SLC22A24: variants seen among roughly 807,000 people sequenced by gnomAD.
SLC22A24 encodes the protein steroid transmembrane transporter SLC22A24.
Under a neutral mutation model 49.8 loss-of-function variants are expected in SLC22A24, and 53 were observed. That is an observed-to-expected ratio of 1.06 (90% CI 0.85 to 1.34). The LOEUF (loss-of-function observed/expected upper bound fraction) is 1.34. Among genes scored for constraint, SLC22A24 ranks in the 40% most tolerant of loss-of-function variants. The pLI is 0.00. For missense variants in SLC22A24, 786 were observed against 675.9 expected, an observed-to-expected ratio of 1.16 and a Z score of -1.81; for synonymous variants, 302 against 256.4, an observed-to-expected ratio of 1.18 and a Z score of -1.70.
chr11:63,140,841 T>A (rs1256353360), intron 1 of SLC22A24, among the ~76,000 whole-genome samples: 1 of 152,196 alleles, frequency 6.6e-6, no homozygotes, highest in African/African-American at 2.4e-5. Context: ...TAATTTTTTC[T>A]GGTTTAGAGG....
chr11:63,093,955 G>A (rs1176034211), intron 6 of SLC22A24, among the ~76,000 whole-genome samples: 1 of 147,592 alleles, frequency 6.8e-6, no homozygotes, highest in Non-Finnish European at 1.5e-5. Flanking sequence ...GCAAAATATG[G>A]AACAACCAAA....
chr11:63,103,743 G>A (rs907671345), intron 5 of SLC22A24, among the ~76,000 whole-genome samples: 2 of 151,926 alleles, frequency 1.3e-5, no homozygotes, highest in African/African-American at 2.4e-5. Flanking sequence ...GACTTATTTG[G>A]TGCTCAATGG....
chr11:63,143,581 G>A lies in SLC22A24; in HGVS notation c.199C>T (p.Leu67Phe). 1 of 1,569,628 alleles carries A rather than the reference G, an allele frequency of 6.4e-7. No homozygotes were observed. The highest frequency in any genetic ancestry group is 8.6e-7 in the Non-Finnish European group (1 of 1,158,968). Residue 67 changes from leucine (L) to phenylalanine (F), a missense_variant, in exon 1 of 10, where the codon CTC (leucine) becomes TTC (phenylalanine). Physicochemically the swap from Leu to Phe is conservative, Grantham distance 22. Coordinates refer to ENST00000612278, the MANE Select transcript of SLC22A24 (RefSeq NM_001136506.2). Reference protein sequence around the residue: ...DTVSDNDTGTLSKDDLLRISI... With the variant: ...DTVSDNDTGTFSKDDLLRISI... ...ATTCTCAGGAGGTCATCCTTGCTGA[G>A]GGTCCCGGTATCATTGTCAGACACA... is the stretch of plus-strand genomic sequence containing the variant.
At chr11:63,129,537 G>A (rs1590748428) in intron 2 of SLC22A24, among the ~76,000 whole-genome samples, 1 of 152,218 alleles carries the variant, frequency 6.6e-6, no homozygotes, top group Non-Finnish European at 1.5e-5. Context: ...GCTAGATGGG[G>A]ATGGCATTGA....
chr11:63,096,045 G>A lies in SLC22A24; in HGVS notation c.1016C>T (p.Ser339Phe), dbSNP rs1590732102. ...TCGCAATTTGGGTGCACGGAACAGG[G>A]AAAAAATGGATGTTTTAATTCGGAC... is the stretch of plus-strand genomic sequence containing the variant. ...DAVRIKTSIFSLFRAPKLRMR... is the reference protein window; with the variant it reads ...DAVRIKTSIFFLFRAPKLRMR... The change falls in exon 6 of 10, where the codon TCC becomes TTC. Residue 339 changes from serine to phenylalanine, a missense_variant. Coordinates refer to ENST00000612278, the MANE Select transcript of SLC22A24 (RefSeq NM_001136506.2). 3.9e-6 allele frequency: 6 copies of A among 1,550,680 alleles called. No homozygotes were observed. Among genetic ancestry groups the A allele is most frequent in the Non-Finnish European group, 3.5e-6 (4 of 1,146,358 alleles).
chr11:63,093,723 A>G (rs963943735), intron 6 of SLC22A24, among the ~76,000 whole-genome samples: 6 of 152,002 alleles, frequency 3.9e-5, no homozygotes, highest in African/African-American at 1.4e-4. Flanking sequence ...GGAGAGGATC[A>G]GGAAAAATAA....
intron 4 of SLC22A24, among the ~76,000 whole-genome samples, chr11:63,111,790 C>G (rs896356078): frequency 4.3e-4 from 65 of 152,152 alleles, no homozygotes; most frequent in Non-Finnish European, 7.4e-4. Flanking sequence ...TTGATCCTTT[C>G]AAAAAACCAG....
At chr11:63,080,357 G>A (rs2086952075) in intron 9 of SLC22A24, among the ~76,000 whole-genome samples, 1 of 151,968 alleles carries the variant, frequency 6.6e-6, no homozygotes, top group South Asian at 2.1e-4. Flanking sequence ...AATTTCTGTT[G>A]CCCATGGCAA....
At chr11:63,110,032 T>C (rs2087151303) in intron 4 of SLC22A24, among the ~76,000 whole-genome samples, 2 of 152,154 alleles carry the variant, frequency 1.3e-5, no homozygotes, top group Non-Finnish European at 2.9e-5. Context: ...GTATAAGGTG[T>C]AAGGTAGGGA....
intron 5 of SLC22A24, among the ~76,000 whole-genome samples, chr11:63,101,650 G>T (rs563152856): frequency 2.6e-5 from 4 of 152,116 alleles, no homozygotes; most frequent in African/African-American, 9.6e-5. Context: ...CATGTTTATT[G>T]CAGCAACATT....
intron 2 of SLC22A24, among the ~76,000 whole-genome samples, chr11:63,130,348 C>T (rs950467211): frequency 6.6e-6 from 1 of 152,152 alleles, no homozygotes; most frequent in African/African-American, 2.4e-5. Flanking sequence ...GGTGGATAAG[C>T]TTTTTGATGT....
At chr11:63,124,749 T>C (rs1011476732) in intron 2 of SLC22A24, among the ~76,000 whole-genome samples, 3 of 152,132 alleles carry the variant, frequency 2.0e-5, no homozygotes, top group Admixed American at 1.3e-4. Context: ...GTGGCACATA[T>C]ACACCATGGA....
At chr11:63,133,363 C>T (rs4963372) in intron 2 of SLC22A24, among the ~76,000 whole-genome samples, 120,920 of 152,062 alleles carry the variant, frequency 0.8, 49,174 homozygotes, top group East Asian at 0.9. Flanking sequence ...GGTACCTCAG[C>T]TGGAAATGTA....
At chr11:63,130,040 C>T (rs865955772) in intron 2 of SLC22A24, among the ~76,000 whole-genome samples, 1 of 152,168 alleles carries the variant, frequency 6.6e-6, no homozygotes, top group Non-Finnish European at 1.5e-5. Flanking sequence ...GAGAGGGCAT[C>T]CTTGTCTTGT....
At position 63,080,011 on chromosome 11, in the gene SLC22A24, G is replaced by T; in HGVS notation, c.1599-11C>A. 6.6e-7 allele frequency: 1 copy of T among 1,503,906 alleles called. No homozygotes were observed. Among genetic ancestry groups the T allele is most frequent in the Non-Finnish European group, 9.1e-7 (1 of 1,104,324 alleles). 93.2% of individuals were successfully genotyped at this position (1,503,906 alleles called of 1,614,324 possible). On this transcript the variant is annotated splice_polypyrimidine_tract_variant and intron_variant, in intron 9 of 9. Coordinates refer to ENST00000612278, the MANE Select transcript of SLC22A24 (RefSeq NM_001136506.2). ...CTTGAATCTTTTCTGCTGAGAAATA[G>T]AAATGCAAACAAAAACAAGATTAAG... is the stretch of plus-strand genomic sequence containing the variant.
chr11:63,140,747 T>C (rs1297691861), intron 1 of SLC22A24, among the ~76,000 whole-genome samples: 2 of 152,212 alleles, frequency 1.3e-5, no homozygotes, highest in African/African-American at 4.8e-5. Flanking sequence ...GAGAAACAGT[T>C]TGACATACAA....
rs7948969 is a variant in SLC22A24 at position 63,139,576 on chromosome 11, A to G, written c.402+3802T>C. The stretch of plus-strand genomic sequence containing the variant: ...GATATGGAAACATCCCCAACCCCCA[A>G]TGAGAAATGAGACTCTCATGGGGGA... On this transcript the variant is annotated intron_variant, in intron 1 of 9. Transcript: ENST00000612278. 4.1e-3 allele frequency among the ~76,000 whole-genome samples: 619 copies of G among 152,090 alleles called. 4 individuals are homozygous for G. The highest frequency in any genetic ancestry group is 0.014 in the African/African-American group (567 of 41,446).
At chr11:63,124,567 C>G (rs909941420) in intron 2 of SLC22A24, among the ~76,000 whole-genome samples, 27 of 152,158 alleles carry the variant, frequency 1.8e-4, no homozygotes, top group African/African-American at 6.5e-4. Context: ...TATCCCTTCA[C>G]TATTTTAGAT....
At chr11:63,133,223 C>A (rs1289523793) in intron 2 of SLC22A24, among the ~76,000 whole-genome samples, 1 of 152,166 alleles carries the variant, frequency 6.6e-6, no homozygotes, top group East Asian at 1.9e-4. Context: ...GTCTGTCACA[C>A]CTTCCCTTGG....
Sources: allele counts gnomAD v4.1 joint callset (sites outside exome capture counted in the v4.1 genomes callset), GRCh38; gene constraint gnomAD v4.1.1; transcripts MANE v1.5; gene names NCBI Gene and HGNC (gene_info 2026-07-23, HGNC 2026-07-21).